DGKI: variants seen among roughly 807,000 people sequenced by gnomAD.
DGKI encodes the protein DAG kinase iota.
In DGKI, 55 loss-of-function variants were observed where a neutral mutation model predicts 147.5. The observed-to-expected ratio is 0.37, with a 90% CI of 0.30 to 0.47. The LOEUF is 0.47. Ranked by LOEUF, DGKI falls within the 20% of genes least tolerant of loss-of-function variation. The probability of loss-of-function intolerance (pLI) is 1.00; values close to 1 mark genes in which losing one functional copy is unlikely to be tolerated. For synonymous variants in DGKI, 469 were observed against 477.1 expected (o/e 0.98, Z 0.22); for missense variants, 1,007 against 1,323.8 (o/e 0.76, Z 3.71).
chr7:137,455,014 G>A (rs549902616), intron 27 of DGKI: 7 of 152,222 alleles, frequency 4.6e-5, no homozygotes, highest in South Asian at 4.1e-4. Context: ...TCGTGATCCC[G>A]GATATGCAAT....
At position 137,395,485 on chromosome 7, in the gene DGKI, C is replaced by T. The variant is rs530959056; in HGVS notation, c.3057+113G>A. On this transcript the variant is annotated intron_variant, in intron 32 of 32. Transcript: ENST00000614521. ...ATTTTTTCCTCCTTTTTCCAAAGCCCCAGGCACTTCCATAAGCACAGAAAG... is the reference window on the plus strand; with the variant it reads ...ATTTTTTCCTCCTTTTTCCAAAGCCTCAGGCACTTCCATAAGCACAGAAAG... The T allele has an allele frequency of 4.3e-5, 41 of 947,186 alleles. No individual in the cohort carries two copies. The Admixed American group carries it at 8.2e-4, about 19-fold the overall frequency. 58.7% of individuals were successfully genotyped at this position (947,186 alleles called of 1,614,324 possible).
chr7:137,421,615 A>G (rs1357290497), intron 28 of DGKI, among the ~76,000 whole-genome samples: 2 of 152,200 alleles, frequency 1.3e-5, no homozygotes, highest in Non-Finnish European at 2.9e-5. Context: ...TTGGCTATAA[A>G]CAGCACAGGG....
chr7:137,721,352 G>A (rs1794551686), intron 1 of DGKI, among the ~76,000 whole-genome samples: 1 of 152,102 alleles, frequency 6.6e-6, no homozygotes, highest in African/African-American at 2.4e-5. Flanking sequence ...CAACTAATTG[G>A]TCCCTATAAA....
intron 1 of DGKI, among the ~76,000 whole-genome samples, chr7:137,693,458 G>A (rs1431561267): frequency 6.6e-6 from 1 of 152,104 alleles, no homozygotes; most frequent in Non-Finnish European, 1.5e-5. Context: ...CTATAATGCA[G>A]TTTCAATAAT....
At chr7:137,610,689 C>A (rs1380600113) in intron 8 of DGKI, among the ~76,000 whole-genome samples, 1 of 152,160 alleles carries the variant, frequency 6.6e-6, no homozygotes, top group African/African-American at 2.4e-5. Flanking sequence ...CAAACAGCCT[C>A]AAGAAATGCA....
At chr7:137,549,365 T>C (rs895461679) in intron 20 of DGKI, among the ~76,000 whole-genome samples, 2 of 151,992 alleles carry the variant, frequency 1.3e-5, no homozygotes, top group African/African-American at 4.8e-5. Context: ...GGCATCTAAG[T>C]GGAAAGGGAA....
At chr7:137,761,138 T>G (rs1795844744) in intron 1 of DGKI, among the ~76,000 whole-genome samples, 1 of 152,206 alleles carries the variant, frequency 6.6e-6, no homozygotes, top group Admixed American at 6.5e-5. Flanking sequence ...TTCTTTGTTT[T>G]GCCTTCAAGC....
intron 1 of DGKI, among the ~76,000 whole-genome samples, chr7:137,823,719 A>G (rs866524535): frequency 1.4e-4 from 22 of 152,172 alleles, no homozygotes; most frequent in African/African-American, 5.1e-4. Flanking sequence ...CTATGTAAAA[A>G]CCAGTTCAGA....
At chr7:137,596,127 G>A (rs1445838817) in intron 12 of DGKI, among the ~76,000 whole-genome samples, 1 of 151,824 alleles carries the variant, frequency 6.6e-6, no homozygotes, top group Non-Finnish European at 1.5e-5. Flanking sequence ...GGCCTGGGAG[G>A]TGGAGCACCC....
chr7:137,486,156 T>C (rs1056039893), intron 22 of DGKI, among the ~76,000 whole-genome samples: 22 of 152,112 alleles, frequency 1.4e-4, no homozygotes, highest in African/African-American at 5.1e-4. Flanking sequence ...CACATTACTT[T>C]CCATTAGTTT....
At chr7:137,676,283 C>T (rs759900085) in intron 3 of DGKI, among the ~76,000 whole-genome samples, 1 of 152,184 alleles carries the variant, frequency 6.6e-6, no homozygotes, top group African/African-American at 2.4e-5. Flanking sequence ...ATGAAGTTGA[C>T]TCCTGAGTTG....
chr7:137,715,668 T>C (rs1194224625), intron 1 of DGKI, among the ~76,000 whole-genome samples: 2 of 152,204 alleles, frequency 1.3e-5, no homozygotes, highest in Non-Finnish European at 2.9e-5. Flanking sequence ...CAGTGCCCTG[T>C]AGCATGCAAA....
At chr7:137,476,755 A>G (rs1815185307) in intron 23 of DGKI, among the ~76,000 whole-genome samples, 1 of 152,178 alleles carries the variant, frequency 6.6e-6, no homozygotes, top group African/African-American at 2.4e-5. Flanking sequence ...TCCTGCATGT[A>G]AGAGCTGGCC....
intron 14 of DGKI, 67 bp downstream of exon 14, chr7:137,585,142 A>AC: frequency 6.3e-7 from 1 of 1,580,414 alleles, no homozygotes; most frequent in South Asian, 1.1e-5. Flanking sequence ...TCCAGCCAGG[A>AC]TTTTTTTTCC....
At chr7:137,641,160 T>C (rs1016544988) in intron 6 of DGKI, among the ~76,000 whole-genome samples, 30 of 152,308 alleles carry the variant, frequency 2.0e-4, no homozygotes, top group Middle Eastern at 3.4e-3. Flanking sequence ...TCTTTGCCTG[T>C]CACCATCCAC....
chr7:137,505,103 C>G (rs1039709384), intron 21 of DGKI, among the ~76,000 whole-genome samples: 9 of 121,742 alleles, frequency 7.4e-5, no homozygotes, highest in Non-Finnish European at 1.5e-4. Context: ...AGGGGGGGAA[C>G]ATCCCACACT....
intron 1 of DGKI, among the ~76,000 whole-genome samples, chr7:137,691,807 T>TTTTTTTTTTTTTTTTG (rs1823618799): frequency 1.5e-5 from 2 of 132,700 alleles, no homozygotes; most frequent in African/African-American, 7.1e-5. Flanking sequence ...GGTTTTTTTT[T>TTTTTTTTTTTTTTTTG]TTTTTTTTTT....
At chr7:137,700,782 G>A (rs188039335) in intron 1 of DGKI, among the ~76,000 whole-genome samples, 23 of 152,282 alleles carry the variant, frequency 1.5e-4, no homozygotes, top group African/African-American at 5.5e-4. Flanking sequence ...GGAGGCTGAG[G>A]CAGGAGAATT....
intron 1 of DGKI, among the ~76,000 whole-genome samples, chr7:137,828,744 A>G (rs868676313): frequency 5.3e-5 from 8 of 152,292 alleles, no homozygotes; most frequent in South Asian, 2.1e-4. Context: ...AGCTCTTTTC[A>G]CAGCTTCCTA....
Sources: allele counts gnomAD v4.1 joint callset (sites outside exome capture counted in the v4.1 genomes callset), GRCh38; gene constraint gnomAD v4.1.1; transcripts MANE v1.5; gene names NCBI Gene and HGNC (gene_info 2026-07-23, HGNC 2026-07-21).